Variants in JAM2 observed in about 807,000 individuals in gnomAD.
The protein encoded by JAM2 is junctional adhesion molecule B.
Under a neutral mutation model 42.0 loss-of-function variants are expected in JAM2, and 17 were observed. The ratio of observed to expected loss-of-function variants is 0.40; its 90% CI spans 0.28 to 0.61. JAM2 has a LOEUF of 0.61. Ranked by LOEUF, JAM2 falls within the 20% of genes least tolerant of loss-of-function variation. JAM2 has a pLI of 0.37. For missense variants in JAM2, 319 were observed against 358.3 expected (o/e 0.89, Z 0.89); for synonymous variants, 118 against 128.6 (o/e 0.92, Z 0.56).
chr21:25,681,463 A>G (rs1174215513), intron 1 of JAM2, among the ~76,000 whole-genome samples: 1 of 152,176 alleles, frequency 6.6e-6, no homozygotes, highest in Non-Finnish European at 1.5e-5. Context: ...TAAAACCATC[A>G]GATCTCGTGA....
At chr21:25,697,760 C>G (rs939918716) in intron 4 of JAM2, among the ~76,000 whole-genome samples, 31 of 152,052 alleles carry the variant, frequency 2.0e-4, no homozygotes, top group Non-Finnish European at 8.8e-5. Flanking sequence ...TAAAAATTAG[C>G]TGGTCGTGGT....
intron 1 of JAM2, among the ~76,000 whole-genome samples, chr21:25,660,384 G>A (rs570843176): frequency 7.0e-4 from 106 of 152,304 alleles, no homozygotes; most frequent in African/African-American, 2.4e-3. Context: ...TTAACAGAGA[G>A]TGTGCTCAAG....
At chr21:25,654,490 A>C (rs989383865) in intron 1 of JAM2, among the ~76,000 whole-genome samples, 8 of 151,988 alleles carry the variant, frequency 5.3e-5, no homozygotes, top group African/African-American at 1.9e-4. Context: ...TCTACTAAAA[A>C]TACAAAAATT....
intron 1 of JAM2, among the ~76,000 whole-genome samples, chr21:25,648,450 T>TTGTGTGTGTGTGTGTG (rs61479815): frequency 6.7e-6 from 1 of 148,384 alleles, no homozygotes; most frequent in Non-Finnish European, 1.5e-5. Flanking sequence ...TGCCGTGTGT[T>TTGTGTGTGTGTGTGTG]TGTGTGTGTG....
At chr21:25,690,863 T>C (rs1273900728) in intron 3 of JAM2, among the ~76,000 whole-genome samples, 1 of 152,200 alleles carries the variant, frequency 6.6e-6, no homozygotes, top group Non-Finnish European at 1.5e-5. Flanking sequence ...ATACATTTCT[T>C]TCTACTACCT....
chr21:25,703,323 T>C (rs2034207154), intron 6 of JAM2, among the ~76,000 whole-genome samples: 1 of 152,216 alleles, frequency 6.6e-6, no homozygotes, highest in Non-Finnish European at 1.5e-5. Flanking sequence ...TAGCACACAA[T>C]AAATACATAA....
intron 1 of JAM2, among the ~76,000 whole-genome samples, chr21:25,640,154 C>T (rs2032390407): frequency 6.6e-6 from 1 of 152,200 alleles, no homozygotes; most frequent in Admixed American, 6.5e-5. Flanking sequence ...TTCCCACTAG[C>T]AGGTTCTCAT....
chr21:25,650,463 C>T (rs925778500), intron 1 of JAM2, among the ~76,000 whole-genome samples: 1 of 152,178 alleles, frequency 6.6e-6, no homozygotes, highest in African/African-American at 2.4e-5. Context: ...ATCTCAGCTC[C>T]ATTGTGCTAC....
chr21:25,651,219 CAG>C (rs1232790134), intron 1 of JAM2, among the ~76,000 whole-genome samples: 1 of 152,020 alleles, frequency 6.6e-6, no homozygotes, highest in Non-Finnish European at 1.5e-5. Context: ...ACATCTCTGA[CAG>C]AGTATTATCA....
chr21:25,654,985 G>A (rs17001274), intron 1 of JAM2, among the ~76,000 whole-genome samples: 13,622 of 152,238 alleles, frequency 0.089, 918 homozygotes, highest in East Asian at 0.37. Context: ...ATGCTGACAT[G>A]TAGTGTGTAT....
chr21:25,694,521 G>C (rs1441122913), intron 4 of JAM2, among the ~76,000 whole-genome samples: 1 of 152,106 alleles, frequency 6.6e-6, no homozygotes, highest in Admixed American at 6.5e-5. Flanking sequence ...AAACCAGTAT[G>C]TTTAGTTTCT....
intron 1 of JAM2, among the ~76,000 whole-genome samples, chr21:25,668,370 G>A (rs1176561290): frequency 2.6e-5 from 4 of 152,216 alleles, no homozygotes; most frequent in Non-Finnish European, 4.4e-5. Flanking sequence ...GGACAGTCAG[G>A]AGGCTATTGT....
chr21:25,706,883 G>T (rs1043462154), intron 7 of JAM2, among the ~76,000 whole-genome samples: 2 of 152,070 alleles, frequency 1.3e-5, no homozygotes, highest in Non-Finnish European at 2.9e-5. Context: ...GGGACTACAG[G>T]CTCCCGCCAC....
At chr21:25,682,883 C>T (rs987148513) in intron 1 of JAM2, among the ~76,000 whole-genome samples, 4 of 151,990 alleles carry the variant, frequency 2.6e-5, no homozygotes, top group Admixed American at 6.5e-5. Flanking sequence ...CACCCCCAGT[C>T]GAACTCCTCT....
At chr21:25,712,024 A>G (rs2034393392) in intron 8 of JAM2, 2 of 240,424 alleles carry the variant, frequency 8.3e-6, no homozygotes, top group African/African-American at 4.6e-5. Context: ...CTTTCAAAAT[A>G]TTAAATGTTA....
At chr21:25,644,504 C>T (rs911313157) in intron 1 of JAM2, among the ~76,000 whole-genome samples, 8 of 152,212 alleles carry the variant, frequency 5.3e-5, no homozygotes, top group African/African-American at 1.9e-4. Context: ...TGCCACCTCT[C>T]TTGTTCTCTC....
intron 1 of JAM2, among the ~76,000 whole-genome samples, chr21:25,666,375 A>G (rs1443085369): frequency 2.1e-5 from 3 of 145,908 alleles, no homozygotes. Flanking sequence ...CCCATGCTGG[A>G]GTGCAATGGC....
At chr21:25,679,199 T>C (rs774265627) in intron 1 of JAM2, among the ~76,000 whole-genome samples, 5 of 152,368 alleles carry the variant, frequency 3.3e-5, no homozygotes, top group African/African-American at 4.8e-5. Context: ...AATTTACATG[T>C]TGATATATAG....
At chr21:25,687,920 T>C (rs1483244632) in intron 2 of JAM2, among the ~76,000 whole-genome samples, 1 of 152,244 alleles carries the variant, frequency 6.6e-6, no homozygotes, top group Non-Finnish European at 1.5e-5. Flanking sequence ...CCTCATCAAC[T>C]GCTAACGTAC....
Sources: gnomAD v4.1 joint callset for allele counts (sites outside exome capture counted in the v4.1 genomes callset) on GRCh38, gnomAD v4.1.1 for gene constraint, MANE v1.5 for transcripts, NCBI Gene and HGNC (gene_info 2026-07-23, HGNC 2026-07-21) for gene names.